RFX3: variants seen among roughly 807,000 people sequenced by gnomAD.
RFX3 encodes regulatory factor X3, also known as transcription factor RFX3.
Under a neutral mutation model 98.6 loss-of-function variants are expected in RFX3, and 14 were observed. The observed-to-expected ratio is 0.14, with a 90% CI of 0.09 to 0.22. The LOEUF is 0.22. Among genes scored for constraint, RFX3 ranks in the 10% least tolerant of loss-of-function variants. The pLI is 1.00. For synonymous variants in RFX3, 383 were observed against 328.4 expected (o/e 1.17, Z -1.80); for missense variants, 639 against 926.9 (o/e 0.69, Z 4.03).
intron 15 of RFX3, among the ~76,000 whole-genome samples, chr9:3,239,348 T>A (rs1384318245): frequency 1.3e-5 from 2 of 152,210 alleles, no homozygotes; most frequent in Non-Finnish European, 1.5e-5. Flanking sequence ...CTTTAAATAG[T>A]TTTTATTGAA....
rs142414513 is a variant in RFX3 at position 3,224,115 on chromosome 9, T to C, written c.*927A>G. The C allele has an allele frequency of 2.6e-5, 4 of 152,112 alleles. No homozygotes were observed. Among genetic ancestry groups the C allele is most frequent in the African/African-American group, 9.6e-5 (4 of 41,498 alleles). 9.4% of individuals were successfully genotyped at this position (152,112 alleles called of 1,614,324 possible). ...AAAGACCTGGAATAAAAGAAAGTCA[T>C]CCAAATGGAATGGTTTCCTGTATGT... On this transcript the variant is annotated 3_prime_UTR_variant, in exon 17 of 17. Transcript: ENST00000617270.
chr9:3,367,548 C>T (rs892235288), intron 2 of RFX3, among the ~76,000 whole-genome samples: 1 of 152,190 alleles, frequency 6.6e-6, no homozygotes, highest in Non-Finnish European at 1.5e-5. Context: ...TGAGCTACTA[C>T]ATCCTTGTAA....
At position 3,330,498 on chromosome 9, in the gene RFX3, A is replaced by T; in HGVS notation, c.235T>A (p.Tyr79Asn). Reference sequence around the variant, plus strand: ...TGGCTGTACATCTGTGTCTCTGTGTAAGGATACGTTGTTGTTCGGCTTTAG... The same window carrying T: ...TGGCTGTACATCTGTGTCTCTGTGTTAGGATACGTTGTTGTTCGGCTTTAG... ...NGAIRTTTYP[Y>N]TETQMYSQNT... Residue 79 changes from tyrosine (Y) to asparagine (N), a missense_variant, in exon 4 of 17, where the codon TAC becomes AAC. Physicochemically the swap from Tyr to Asn is moderately radical, Grantham distance 143 (BLOSUM62 -2). Around this residue, in one of 9 missense-constraint regions of RFX3, gnomAD observed 210 missense variants for 197.7 expected, o/e 1.06. Coordinates refer to ENST00000617270, the MANE Select transcript of RFX3 (RefSeq NM_001282116.2). 6.2e-7 allele frequency: 1 copy of T among 1,612,418 alleles called. No individual in the cohort carries two copies. Among genetic ancestry groups the T allele is most frequent in the South Asian group, 1.1e-5 (1 of 91,046 alleles).
chr9:3,355,512 T>C (rs1169139809), intron 2 of RFX3, among the ~76,000 whole-genome samples: 2 of 151,862 alleles, frequency 1.3e-5, no homozygotes, highest in Non-Finnish European at 2.9e-5. Flanking sequence ...ATCCTACATG[T>C]CTTTGCTCCT....
intron 1 of RFX3, among the ~76,000 whole-genome samples, chr9:3,514,802 A>T (rs1365355841): frequency 6.6e-6 from 1 of 152,212 alleles, no homozygotes; most frequent in East Asian, 1.9e-4. Flanking sequence ...CAAAGAATCT[A>T]AATTTATGGG....
intron 1 of RFX3, among the ~76,000 whole-genome samples, chr9:3,486,052 G>A (rs1287799620): frequency 6.7e-6 from 1 of 148,192 alleles, no homozygotes; most frequent in African/African-American, 2.5e-5. Context: ...TTGAACCCAG[G>A]AGGCGGAGGT....
chr9:3,420,692 G>T (rs937350887), intron 1 of RFX3: 5 of 702,692 alleles, frequency 7.1e-6, no homozygotes, highest in East Asian at 2.6e-4. Context: ...TAAGAGGCAG[G>T]TTCCACAGCA....
At chr9:3,423,626 G>A (rs890708384) in intron 1 of RFX3, among the ~76,000 whole-genome samples, 1 of 151,806 alleles carries the variant, frequency 6.6e-6, no homozygotes, top group South Asian at 2.1e-4. Flanking sequence ...ATCAGTGTTT[G>A]CCTGGGGCTG....
intron 2 of RFX3, among the ~76,000 whole-genome samples, chr9:3,383,264 T>G (rs1213081506): frequency 6.6e-6 from 1 of 152,156 alleles, no homozygotes; most frequent in African/African-American, 2.4e-5. Flanking sequence ...TGCTAGTTAT[T>G]TTGCTCAAAT....
chr9:3,307,868 T>C (rs1295080184), intron 4 of RFX3, among the ~76,000 whole-genome samples: 2 of 152,208 alleles, frequency 1.3e-5, no homozygotes, highest in Non-Finnish European at 2.9e-5. Context: ...TTCTTGAGCG[T>C]TGCTCCTTCC....
intron 4 of RFX3, among the ~76,000 whole-genome samples, chr9:3,306,943 G>A (rs1171588975): frequency 6.6e-6 from 1 of 152,044 alleles, no homozygotes; most frequent in Non-Finnish European, 1.5e-5. Flanking sequence ...ATTCCCATGT[G>A]TTGTGGGAGG....
At chr9:3,309,644 G>T (rs1387661493) in intron 4 of RFX3, among the ~76,000 whole-genome samples, 1 of 152,062 alleles carries the variant, frequency 6.6e-6, no homozygotes, top group Non-Finnish European at 1.5e-5. Flanking sequence ...CTCTTCCCAT[G>T]TTCAAAGAAG....
At chr9:3,498,871 TA>T (rs989810083) in intron 1 of RFX3, among the ~76,000 whole-genome samples, 1 of 152,070 alleles carries the variant, frequency 6.6e-6, no homozygotes, top group Non-Finnish European at 1.5e-5. Flanking sequence ...CTGTGCAACC[TA>T]AAAGGGTATG....
At chr9:3,462,741 A>G (rs1183226928) in intron 1 of RFX3, among the ~76,000 whole-genome samples, 1 of 152,132 alleles carries the variant, frequency 6.6e-6, no homozygotes. Flanking sequence ...CCATACTTCA[A>G]TACTAGTCAT....
chr9:3,277,679 A>G (rs1825414062), intron 7 of RFX3, among the ~76,000 whole-genome samples: 2 of 151,982 alleles, frequency 1.3e-5, no homozygotes, highest in Admixed American at 6.6e-5. Context: ...AAGGGGACCC[A>G]TTTTTGGAAA....
At chr9:3,470,483 T>G (rs1020801288) in intron 1 of RFX3, among the ~76,000 whole-genome samples, 4 of 139,900 alleles carry the variant, frequency 2.9e-5, no homozygotes, top group Non-Finnish European at 6.0e-5. Flanking sequence ...CCCGGCTAAT[T>G]TTTTCTTTTT....
intron 4 of RFX3, among the ~76,000 whole-genome samples, chr9:3,315,992 A>C (rs1435450775): frequency 6.6e-6 from 1 of 152,240 alleles, no homozygotes; most frequent in Non-Finnish European, 1.5e-5. Context: ...TCCAATCAAT[A>C]GAAAAAGAGG....
rs185245901 is a variant in RFX3 at position 3,448,615 on chromosome 9, C to T, written c.-8-53019G>A. 8.1e-3 allele frequency among the ~76,000 whole-genome samples: 1,233 copies of T among 152,286 alleles called. 21 individuals carry two copies. The highest frequency in any genetic ancestry group is 0.029 in the Admixed American group (446 of 15,294). On this transcript the variant is annotated intron_variant, in intron 1 of 16. Coordinates refer to ENST00000617270, the MANE Select transcript of RFX3 (RefSeq NM_001282116.2). ...TTGCAGCCTCAAACTCCTTCCTAGT[C>T]TCAAGTAATCCTCCCGCCTCAGCCT...
At chr9:3,478,044 G>A (rs982104478) in intron 1 of RFX3, among the ~76,000 whole-genome samples, 8 of 151,912 alleles carry the variant, frequency 5.3e-5, no homozygotes, top group Admixed American at 1.3e-4. Flanking sequence ...CCATTCTGAT[G>A]CTTCCCTTTA....
Sources: gnomAD v4.1 joint callset for allele counts (sites outside exome capture counted in the v4.1 genomes callset) on GRCh38, gnomAD v4.1.1 for gene constraint, gnomAD v4.1.1 regional missense constraint, MANE v1.5 for transcripts, NCBI Gene and HGNC (gene_info 2026-07-23, HGNC 2026-07-21) for gene names.